CACNB4: variants seen among roughly 807,000 people sequenced by gnomAD.
CACNB4 encodes voltage-dependent L-type calcium channel subunit beta-4.
In CACNB4, 32 loss-of-function variants were observed where a neutral mutation model predicts 71.2. The ratio of observed to expected loss-of-function variants is 0.45; its 90% CI spans 0.34 to 0.60. The LOEUF is 0.60. Among genes scored for constraint, CACNB4 ranks in the 20% least tolerant of loss-of-function variants. The pLI is 0.01. For missense variants in CACNB4, 464 were observed against 647.9 expected (o/e 0.72, Z 3.08); for synonymous variants, 231 against 236.9 (o/e 0.97, Z 0.23).
At chr2:151,907,928 A>G (rs748403596) in intron 2 of CACNB4, among the ~76,000 whole-genome samples, 5 of 152,238 alleles carry the variant, frequency 3.3e-5, no homozygotes, top group Non-Finnish European at 5.9e-5. Context: ...CATTGCAAAG[A>G]TAACAACCAG....
intron 4 of CACNB4, among the ~76,000 whole-genome samples, chr2:151,877,948 C>T (rs1559917667): frequency 6.6e-6 from 1 of 152,128 alleles, no homozygotes; most frequent in Non-Finnish European, 1.5e-5. Flanking sequence ...TTAGTTCAAG[C>T]TCCCTGCCTC....
chr2:151,941,897 T>C (rs953264402), intron 2 of CACNB4, among the ~76,000 whole-genome samples: 2 of 151,994 alleles, frequency 1.3e-5, no homozygotes, highest in Non-Finnish European at 1.5e-5. Context: ...AATACTATGA[T>C]TGTAAATAAA....
At chr2:152,020,575 G>A (rs951592928) in intron 2 of CACNB4, among the ~76,000 whole-genome samples, 16 of 152,198 alleles carry the variant, frequency 1.1e-4, no homozygotes, top group African/African-American at 3.6e-4. Context: ...AAATTGTGGG[G>A]AGTTAGTAGG....
chr2:152,076,455 C>G (rs1290013366), intron 2 of CACNB4, among the ~76,000 whole-genome samples: 1 of 151,848 alleles, frequency 6.6e-6, no homozygotes, highest in Non-Finnish European at 1.5e-5. Flanking sequence ...AGCTACTGCG[C>G]CTGGCCGCTT....
intron 2 of CACNB4, among the ~76,000 whole-genome samples, chr2:151,884,762 C>T (rs1406960102): frequency 2.6e-5 from 4 of 152,172 alleles, no homozygotes; most frequent in South Asian, 2.1e-4. Context: ...ATGGCTGCTA[C>T]AGGAACATCA....
intron 2 of CACNB4, among the ~76,000 whole-genome samples, chr2:152,015,356 C>T (rs1337663889): frequency 6.6e-6 from 1 of 152,196 alleles, no homozygotes. Flanking sequence ...TGGTCTCGAA[C>T]TCCTGACCTC....
chr2:151,855,658 G>A (rs1286111347), intron 10 of CACNB4, among the ~76,000 whole-genome samples: 1 of 152,060 alleles, frequency 6.6e-6, no homozygotes, highest in Non-Finnish European at 1.5e-5. Flanking sequence ...ATTATTTTAT[G>A]TTGTTTTTGA....
intron 2 of CACNB4, among the ~76,000 whole-genome samples, chr2:151,943,679 T>G (rs2099864829): frequency 6.6e-6 from 1 of 152,308 alleles, no homozygotes. Flanking sequence ...GTGCCTCATA[T>G]TAGGAGGAGC....
chr2:151,974,052 G>A (rs1047637434), intron 2 of CACNB4: 1 of 921,222 alleles, frequency 1.1e-6, no homozygotes, highest in Non-Finnish European at 1.3e-6. Context: ...CTCGGAGAGT[G>A]GAGGGCGCCT....
At chr2:152,052,726 T>C (rs1424369947) in intron 2 of CACNB4, among the ~76,000 whole-genome samples, 10 of 152,162 alleles carry the variant, frequency 6.6e-5, no homozygotes, top group Admixed American at 6.5e-4. Flanking sequence ...ACGCCTGTAA[T>C]TCCAGCACTT....
intron 4 of CACNB4, among the ~76,000 whole-genome samples, chr2:151,876,765 T>C (rs908415375): frequency 5.7e-5 from 5 of 87,074 alleles, no homozygotes; most frequent in African/African-American, 1.8e-4. Context: ...GTGTGTATAC[T>C]ATATTTTATA....
At chr2:152,036,933 T>C (rs35060770) in intron 2 of CACNB4, among the ~76,000 whole-genome samples, 63,743 of 152,134 alleles carry the variant, frequency 0.42, 16,530 homozygotes, top group Non-Finnish European at 0.59. Context: ...GGAAGTGCAC[T>C]AGATGCTAGA....
chr2:151,998,153 T>C (rs1682173677), intron 2 of CACNB4, among the ~76,000 whole-genome samples: 1 of 151,868 alleles, frequency 6.6e-6, no homozygotes, highest in Non-Finnish European at 1.5e-5. Context: ...TGAACCCCTG[T>C]CTCTACTAAA....
At chr2:151,884,326 T>A (rs1212716753) in intron 2 of CACNB4, among the ~76,000 whole-genome samples, 1 of 143,290 alleles carries the variant, frequency 7.0e-6, no homozygotes, top group Admixed American at 7.0e-5. Context: ...AAAATAAAAA[T>A]AAAAAAATTA....
rs2099839988 is a variant in CACNB4 at position 151,855,247 on chromosome 2, G to A, written c.997C>T (p.His333Tyr). Residue 333 changes from histidine (H) to tyrosine (Y), a missense_variant, in exon 11 of 14, where the codon CAT (histidine) becomes TAT (tyrosine). Coordinates refer to ENST00000539935, the MANE Select transcript of CACNB4 (RefSeq NM_000726.5). ...ACCTTTGGAGATGAGACTTTTACAT[G>A]AACAATAATTGGTGCTAAGGAAGTC... ...IKTSLAPIIV[H>Y]VKVSSPKVLQ... 1 of 1,540,318 alleles carries A rather than the reference G, an allele frequency of 6.5e-7. No individual in the cohort carries two copies. Among genetic ancestry groups the A allele is most frequent in the African/African-American group, 1.3e-5 (1 of 74,158 alleles).
chr2:152,089,316 T>C (rs998375337), intron 2 of CACNB4, among the ~76,000 whole-genome samples: 2 of 152,178 alleles, frequency 1.3e-5, no homozygotes, highest in Non-Finnish European at 2.9e-5. Flanking sequence ...GACTTACCCA[T>C]TGATGTATTC....
chr2:152,063,786 G>C (rs1302246700), intron 2 of CACNB4, among the ~76,000 whole-genome samples: 1 of 152,220 alleles, frequency 6.6e-6, no homozygotes, highest in East Asian at 1.9e-4. Flanking sequence ...CTACCTAAAA[G>C]AGGCAGCCAC....
intron 10 of CACNB4, among the ~76,000 whole-genome samples, chr2:151,856,427 C>T (rs78256121): frequency 0.045 from 6,844 of 152,000 alleles, 192 homozygotes; most frequent in Non-Finnish European, 0.073. Context: ...CCTCAGCCTC[C>T]CACATAAATG....
At chr2:151,998,315 C>CAAAAAAAAAAAAAA (rs70974815) in intron 2 of CACNB4, among the ~76,000 whole-genome samples, 3 of 110,716 alleles carry the variant, frequency 2.7e-5, no homozygotes, top group African/African-American at 1.2e-4. Flanking sequence ...ACTCCATCTC[C>CAAAAAAAAAAAAAA]AAAAAAAAAA....
Sources: gnomAD v4.1 joint callset for allele counts (sites outside exome capture counted in the v4.1 genomes callset) on GRCh38, gnomAD v4.1.1 for gene constraint, MANE v1.5 for transcripts, NCBI Gene and HGNC (gene_info 2026-07-23, HGNC 2026-07-21) for gene names.